RWDD1: variants seen among roughly 807,000 people sequenced by gnomAD.
RWDD1 encodes the protein RWD domain containing 1, also known as RWD domain-containing protein 1.
A neutral mutation model predicts 31.6 loss-of-function variants in RWDD1; 17 were observed. That is an observed-to-expected ratio of 0.54 (90% CI 0.37 to 0.81). RWDD1 has a LOEUF of 0.81. Ranked by LOEUF, RWDD1 falls within the 30% of genes least tolerant of loss-of-function variation. The probability of loss-of-function intolerance (pLI) is 0.00; values close to 1 mark genes in which losing one functional copy is unlikely to be tolerated. For synonymous variants in RWDD1, 78 were observed against 94.2 expected (o/e 0.83, Z 0.99); for missense variants, 204 against 274.5 (o/e 0.74, Z 1.82).
intron 4 of RWDD1, 56 bp from the exon 5 acceptor site, chr6:116,590,216 G>C: frequency 1.0e-6 from 1 of 958,424 alleles, no homozygotes; most frequent in Non-Finnish European, 1.6e-6. Context: ...ATACTGTTAG[G>C]ATTTATTAAA....
At chr6:116,573,566 A>G (rs1163165868) in intron 1 of RWDD1, among the ~76,000 whole-genome samples, 1 of 152,234 alleles carries the variant, frequency 6.6e-6, no homozygotes, top group Non-Finnish European at 1.5e-5. Context: ...GGGAAAAGGC[A>G]GAGGACTTTG....
rs1774768563 is a variant in RWDD1, at chr6:116,572,881, G to A, written c.73+1226G>A. On this transcript the variant is annotated intron_variant, in intron 1 of 6. Transcript: ENST00000466444. ...AGGCAGATGTCTCTCAGCTATCCCTGTATAGCTCCAGTCCTGTTCATGTTC... is the reference window on the plus strand; with the variant it reads ...AGGCAGATGTCTCTCAGCTATCCCTATATAGCTCCAGTCCTGTTCATGTTC... 4.1e-6 allele frequency: 4 copies of A among 985,318 alleles called. No homozygotes were observed. The South Asian group carries it at 1.4e-4, about 35-fold the overall frequency. 61.0% of individuals were successfully genotyped at this position (985,318 alleles called of 1,614,324 possible).
At chr6:116,574,410 G>A (rs1774797703) in intron 1 of RWDD1, among the ~76,000 whole-genome samples, 1 of 152,210 alleles carries the variant, frequency 6.6e-6, no homozygotes, top group African/African-American at 2.4e-5. Context: ...TGTAAAAGCA[G>A]TTTGTTCTAA....
chr6:116,571,519 CTGTCTGGGCTGCTGCGCGCCGCCTAGG>C lies in RWDD1; in HGVS notation c.-54_-28del. On this transcript the variant is annotated 5_prime_UTR_variant, in exon 1 of 7. Transcript: ENST00000466444. ...GCCGCCCGCTCTCCCGGCGCGGCAG[CTGTCTGGGCTGCTGCGCGCCGCCTAGG>C]TGTCTGGGCGATCTATGGGCAAGAG... The C allele has an allele frequency of 2.0e-6, 3 of 1,518,552 alleles. No homozygotes were observed. The highest frequency in any genetic ancestry group is 2.2e-5 in the Admixed American group (1 of 46,354). The allele number at this position is 1,518,552 out of a possible 1,614,324, so 94.1% of individuals were successfully genotyped here. A position where few individuals can be genotyped will look rare whatever the true frequency, so the allele number is the denominator to read the frequency against.
intron 4 of RWDD1, 97 bp downstream of exon 4, chr6:116,589,082 G>A: frequency 2.0e-6 from 2 of 1,022,588 alleles, no homozygotes; most frequent in South Asian, 4.4e-5. Context: ...ATTTTTTTTG[G>A]AAATCACAAA....
chr6:116,575,027 C>T (rs1314679527), intron 1 of RWDD1, among the ~76,000 whole-genome samples: 1 of 152,118 alleles, frequency 6.6e-6, no homozygotes, highest in Non-Finnish European at 1.5e-5. Context: ...GCCTCCAACT[C>T]CCAAAGTGCT....
chr6:116,589,101 A>C, intron 4 of RWDD1, 116 bp downstream of exon 4: 1 of 914,180 alleles, frequency 1.1e-6, no homozygotes, highest in Non-Finnish European at 1.4e-6. Context: ...AAAATAAATA[A>C]AAGTAAATTT....
chr6:116,597,350 T>C lies in RWDD1; in HGVS notation c.*4249T>C, dbSNP rs1775254932. On this transcript the variant is annotated 3_prime_UTR_variant, in exon 7 of 7. Coordinates refer to ENST00000466444, the MANE Select transcript of RWDD1 (RefSeq NM_015952.4). ...GTTTTGTTCTTCCACCTTTTGGCTA[T>C]TTCTACTACATATTTACTTATCATA... is the stretch of plus-strand genomic sequence containing the variant. 1 of 152,234 alleles carries C rather than the reference T, an allele frequency of 6.6e-6. No individual in the cohort carries two copies. Among genetic ancestry groups the C allele is most frequent in the African/African-American group, 2.4e-5 (1 of 41,464 alleles). 9.4% of individuals were successfully genotyped at this position (152,234 alleles called of 1,614,324 possible).
At chr6:116,575,233 G>A (rs1774818101) in intron 1 of RWDD1, among the ~76,000 whole-genome samples, 1 of 152,060 alleles carries the variant, frequency 6.6e-6, no homozygotes, top group Non-Finnish European at 1.5e-5. Flanking sequence ...ATTACAGGGT[G>A]TGCCACCATG....
Position 116,584,750 on chromosome 6 carries a change from A to G in RWDD1, c.163A>G (p.Thr55Ala). The change falls in exon 3 of 7, where the codon ACA (threonine) becomes GCA (alanine). Residue 55 changes from threonine to alanine, a missense_variant. By Grantham distance (58) the Thr-to-Ala change is moderately conservative (BLOSUM62 0). Coordinates refer to ENST00000466444, the MANE Select transcript of RWDD1 (RefSeq NM_015952.4). ...DETVQTTLKFTYSEKYPDEAP... is the reference protein window; with the variant it reads ...DETVQTTLKFAYSEKYPDEAP... ...AGCTGTCCAGACTACCCTCAAGTTT[A>G]CATACAGTGAAAAATACCCAGATGA... 6.2e-7 allele frequency: 1 copy of G among 1,611,042 alleles called. No homozygotes were observed. Among genetic ancestry groups the G allele is most frequent in the South Asian group, 1.1e-5 (1 of 91,024 alleles).
intron 1 of RWDD1, among the ~76,000 whole-genome samples, chr6:116,573,457 A>G (rs1774783693): frequency 6.6e-6 from 1 of 152,190 alleles, no homozygotes; most frequent in Non-Finnish European, 1.5e-5. Flanking sequence ...CAACATTTCT[A>G]CAAGCTTTGC....
At chr6:116,585,524 A>C (rs1033752488) in intron 3 of RWDD1, among the ~76,000 whole-genome samples, 2 of 152,070 alleles carry the variant, frequency 1.3e-5, no homozygotes, top group Admixed American at 6.5e-5. Flanking sequence ...GAGGGGGGTA[A>C]AATTCTTACT....
intron 6 of RWDD1, 78 bp from the exon 7 acceptor site, chr6:116,592,902 G>A: frequency 1.4e-6 from 2 of 1,481,400 alleles, no homozygotes; most frequent in Non-Finnish European, 1.8e-6. Context: ...CTGTTTGGTA[G>A]TGCCAATGAG....
chr6:116,590,745 A>G, intron 5 of RWDD1, 143 bp from the exon 6 acceptor site: 1 of 1,315,688 alleles, frequency 7.6e-7, no homozygotes, highest in Non-Finnish European at 1.0e-6. Context: ...TACATTTCAT[A>G]TGCCACTTAG....
rs974165545 is a variant in RWDD1 at position 116,597,243 on chromosome 6, A to G, written c.*4142A>G. ...AAAAAGAGAGAGAAAGAGAGAGAGAAGAGGTTCTACTCAGTCCACCAAAGC... is the reference window on the plus strand; with the variant it reads ...AAAAAGAGAGAGAAAGAGAGAGAGAGGAGGTTCTACTCAGTCCACCAAAGC... On this transcript the variant is annotated 3_prime_UTR_variant, in exon 7 of 7. Coordinates refer to ENST00000466444, the MANE Select transcript of RWDD1 (RefSeq NM_015952.4). The G allele has an allele frequency of 5.9e-5, 9 of 152,208 alleles. No individual in the cohort carries two copies. Among genetic ancestry groups the G allele is most frequent in the African/African-American group, 2.2e-4 (9 of 41,446 alleles). 9.4% of individuals were successfully genotyped at this position (152,208 alleles called of 1,614,324 possible). A position where few individuals can be genotyped will look rare whatever the true frequency, so the allele number is the denominator to read the frequency against.
At chr6:116,571,807 A>G (rs1583327137) in intron 1 of RWDD1, 152 bp downstream of exon 1, 1 of 572,790 alleles carries the variant, frequency 1.7e-6, no homozygotes, top group South Asian at 2.2e-5. Flanking sequence ...TTCTTCAGTC[A>G]CTTACCAGCA....
intron 1 of RWDD1, among the ~76,000 whole-genome samples, chr6:116,574,647 ACTTTCTTT>A (rs3839369): frequency 1.3e-4 from 19 of 150,228 alleles, no homozygotes; most frequent in Middle Eastern, 3.4e-3. Flanking sequence ...CCAACAACTT[ACTTTCTTT>A]CTTTCTTTCT....
intron 1 of RWDD1, chr6:116,572,943 T>C: frequency 1.0e-6 from 1 of 985,508 alleles, no homozygotes; most frequent in Non-Finnish European, 1.2e-6. Flanking sequence ...GTGAGGATGT[T>C]AAGGGGATGA....
intron 6 of RWDD1, 141 bp downstream of exon 6, chr6:116,591,091 ACT>A (rs982541599): frequency 1.8e-6 from 2 of 1,098,940 alleles, no homozygotes; most frequent in East Asian, 3.3e-5. Context: ...TGAGACCCTG[ACT>A]CTATTAAAAA....
Sources: gnomAD v4.1 joint callset for allele counts (sites outside exome capture counted in the v4.1 genomes callset) on GRCh38, gnomAD v4.1.1 for gene constraint, MANE v1.5 for transcripts, NCBI Gene and HGNC (gene_info 2026-07-23, HGNC 2026-07-21) for gene names.